ARMC8: variants seen among roughly 807,000 people sequenced by gnomAD.
ARMC8 encodes armadillo repeat-containing protein 8.
A neutral mutation model predicts 99.3 loss-of-function variants in ARMC8; 20 were observed. That is an observed-to-expected ratio of 0.20 (90% CI 0.14 to 0.29). The LOEUF is 0.29. ARMC8 is among the 10% of genes least tolerant of loss of function. The probability of loss-of-function intolerance (pLI) is 1.00; values close to 1 mark genes in which losing one functional copy is unlikely to be tolerated. For synonymous variants in ARMC8, 263 were observed against 278.3 expected, an observed-to-expected ratio of 0.95 and a Z score of 0.55; for missense variants, 569 against 809.5, an observed-to-expected ratio of 0.70 and a Z score of 3.60.
chr3:138,260,545 C>T (rs1478571337), intron 12 of ARMC8, among the ~76,000 whole-genome samples: 3 of 152,112 alleles, frequency 2.0e-5, no homozygotes, highest in East Asian at 3.8e-4. Context: ...AAGAGGCTAC[C>T]GTCTGGACTT....
At chr3:138,189,972 T>C (rs985494995) in intron 1 of ARMC8, among the ~76,000 whole-genome samples, 2 of 152,192 alleles carry the variant, frequency 1.3e-5, no homozygotes, top group Admixed American at 6.6e-5. Context: ...CCTCCTTTCA[T>C]CCCCCTGTAT....
intron 12 of ARMC8, 136 bp from the exon 13 acceptor site, chr3:138,263,603 T>C (rs1390376076): frequency 1.5e-5 from 12 of 780,466 alleles, no homozygotes; most frequent in African/African-American, 5.1e-5. Context: ...CAGCGCAAGA[T>C]GATTGTTTGA....
At chr3:138,262,681 ATT>A in intron 12 of ARMC8, 2 of 1,235,552 alleles carry the variant, frequency 1.6e-6, no homozygotes, top group Non-Finnish European at 2.1e-6. Context: ...TGGACATAGG[ATT>A]AAAAAAAAAA....
At chr3:138,260,783 C>G (rs1293982504) in intron 12 of ARMC8, among the ~76,000 whole-genome samples, 1 of 152,188 alleles carries the variant, frequency 6.6e-6, no homozygotes, top group Non-Finnish European at 1.5e-5. Flanking sequence ...CTTGGCCACA[C>G]CCAGGGCAAG....
intron 12 of ARMC8, among the ~76,000 whole-genome samples, chr3:138,248,150 T>C (rs2046965649): frequency 6.6e-6 from 1 of 152,074 alleles, no homozygotes; most frequent in Non-Finnish European, 1.5e-5. Flanking sequence ...GAGTGAAAAA[T>C]ACTACCATTG....
chr3:138,209,955 A>G, intron 2 of ARMC8, 62 bp downstream of exon 2: 1 of 1,306,792 alleles, frequency 7.7e-7, no homozygotes, highest in Non-Finnish European at 1.1e-6. Context: ...TTAATCTGCC[A>G]CATATTTTAA....
chr3:138,202,371 G>A (rs1307649608), intron 1 of ARMC8, among the ~76,000 whole-genome samples: 8 of 152,178 alleles, frequency 5.3e-5, no homozygotes. Flanking sequence ...TTTTTGCTGA[G>A]TATTTAGCTT....
intron 2 of ARMC8, 126 bp from the exon 3 acceptor site, chr3:138,221,800 T>C (rs770922424): frequency 2.9e-6 from 2 of 686,296 alleles, no homozygotes; most frequent in Admixed American, 2.4e-5. Flanking sequence ...ATTAGTACTT[T>C]AGGTGAAAAA....
chr3:138,273,214 G>A (rs1188388007), intron 17 of ARMC8, 98 bp downstream of exon 17: 1 of 1,258,190 alleles, frequency 7.9e-7, no homozygotes, highest in East Asian at 2.5e-5. Flanking sequence ...CTGCCCATGA[G>A]TGTGATTCAA....
At chr3:138,198,748 G>T (rs1479623041) in intron 1 of ARMC8, among the ~76,000 whole-genome samples, 1 of 151,982 alleles carries the variant, frequency 6.6e-6, no homozygotes, top group East Asian at 1.9e-4. Flanking sequence ...TCCTGACCTT[G>T]TGATTCCCCT....
chr3:138,239,643 G>A (rs559484566), intron 10 of ARMC8, 115 bp downstream of exon 10: 44 of 568,456 alleles, frequency 7.7e-5, no homozygotes, highest in East Asian at 6.9e-4. Context: ...TGTGCATGGC[G>A]TAGAATAATA....
At chr3:138,257,290 CTTTACTTTGT>C (rs896223662) in intron 12 of ARMC8, among the ~76,000 whole-genome samples, 11 of 152,098 alleles carry the variant, frequency 7.2e-5, no homozygotes, top group Non-Finnish European at 1.5e-4. Context: ...TTTTGTTTTG[CTTTACTTTGT>C]TTTAATAAAG....
intron 2 of ARMC8, among the ~76,000 whole-genome samples, chr3:138,217,321 T>G (rs2045115241): frequency 6.6e-6 from 1 of 152,186 alleles, no homozygotes; most frequent in African/African-American, 2.4e-5. Flanking sequence ...TCAGTTAAAA[T>G]GTATGCTATT....
At chr3:138,223,341 T>C in intron 3 of ARMC8, 48 bp from the exon 4 acceptor site, 1 of 1,592,414 alleles carries the variant, frequency 6.3e-7, no homozygotes, top group Non-Finnish European at 8.6e-7. Context: ...ACATTGAGTC[T>C]TGTTTAAATT....
chr3:138,212,288 A>G (rs1036727596), intron 2 of ARMC8, among the ~76,000 whole-genome samples: 6 of 150,166 alleles, frequency 4.0e-5, no homozygotes, highest in African/African-American at 1.5e-4. Flanking sequence ...TACTTTCAAC[A>G]TTATCTGTCT....
intron 5 of ARMC8, among the ~76,000 whole-genome samples, chr3:138,224,215 C>T (rs1458425523): frequency 6.6e-6 from 1 of 151,908 alleles, no homozygotes; most frequent in Non-Finnish European, 1.5e-5. Flanking sequence ...GCCTCGGCCT[C>T]CCAAAGTGCT....
intron 6 of ARMC8, 76 bp downstream of exon 6, chr3:138,229,086 C>G: frequency 1.1e-6 from 1 of 893,798 alleles, no homozygotes; most frequent in South Asian, 1.4e-5. Context: ...CTTTGTGTAC[C>G]CTCCCAGGGG....
chr3:138,270,287 C>A (rs568205491), intron 16 of ARMC8, among the ~76,000 whole-genome samples, 155 bp downstream of exon 16: 4 of 152,270 alleles, frequency 2.6e-5, no homozygotes, highest in African/African-American at 9.6e-5. Context: ...ACCTAGAAGG[C>A]TTAGTATTAA....
In ARMC8 at chr3:138,255,559, A is replaced by G. The variant is rs2047357887; in HGVS notation, c.1135-8180A>G. On this transcript the variant is annotated intron_variant, in intron 12 of 21. Coordinates refer to ENST00000469044, the MANE Select transcript of ARMC8 (RefSeq NM_001363941.2). ...TAGAAGAATTTGGTATGAATGTGGG[A>G]GTGGATAGCAATGAAAGAGTGAGAG... Among the ~76,000 whole-genome samples, 5 of 152,042 alleles carry G rather than the reference A, an allele frequency of 3.3e-5. No homozygotes were observed. The South Asian group carries it at 1.0e-3, about 32-fold the overall frequency.
Sources: allele counts gnomAD v4.1 joint callset (sites outside exome capture counted in the v4.1 genomes callset), GRCh38; gene constraint gnomAD v4.1.1; transcripts MANE v1.5; gene names NCBI Gene and HGNC (gene_info 2026-07-23, HGNC 2026-07-21).